ADAMTS16: variants seen among roughly 807,000 people sequenced by gnomAD.
ADAMTS16 encodes A disintegrin and metalloproteinase with thrombospondin motifs 16.
In ADAMTS16, 94 loss-of-function variants were observed where a neutral mutation model predicts 145.8. The ratio of observed to expected loss-of-function variants is 0.64; its 90% CI spans 0.55 to 0.77. ADAMTS16 has a LOEUF of 0.77. Ranked by LOEUF, ADAMTS16 falls within the 30% of genes least tolerant of loss-of-function variation. ADAMTS16 has a pLI of 0.00. For missense variants in ADAMTS16, 1,585 were observed against 1,591.5 expected (o/e 1.00, Z 0.07); for synonymous variants, 659 against 604.3 (o/e 1.09, Z -1.33).
At chr5:5,202,549 TG>T (rs1225972445) in intron 9 of ADAMTS16, among the ~76,000 whole-genome samples, 2 of 152,172 alleles carry the variant, frequency 1.3e-5, no homozygotes, top group Non-Finnish European at 2.9e-5. Context: ...TTTTTCTCTC[TG>T]TGTGTGTGTA....
At chr5:5,285,431 G>A (rs554283825) in intron 18 of ADAMTS16, among the ~76,000 whole-genome samples, 32 of 152,300 alleles carry the variant, frequency 2.1e-4, no homozygotes, top group Middle Eastern at 6.8e-3. Context: ...TTCCAAACTC[G>A]GGTGCAGCCC....
At chr5:5,195,382 A>G (rs1579302663) in intron 8 of ADAMTS16, among the ~76,000 whole-genome samples, 3 of 152,178 alleles carry the variant, frequency 2.0e-5, no homozygotes, top group African/African-American at 7.2e-5. Context: ...CATCTGAAAA[A>G]TTCCCATTTG....
intron 3 of ADAMTS16, among the ~76,000 whole-genome samples, chr5:5,153,297 T>G (rs892337348): frequency 1.3e-5 from 2 of 152,224 alleles, no homozygotes; most frequent in Non-Finnish European, 2.9e-5. Flanking sequence ...ATTCCATAAT[T>G]ATTTATTTAC....
intron 3 of ADAMTS16, among the ~76,000 whole-genome samples, chr5:5,181,194 A>G (rs1418007116): frequency 6.6e-6 from 1 of 152,226 alleles, no homozygotes; most frequent in African/African-American, 2.4e-5. Flanking sequence ...CTGGAGTTGA[A>G]TTGTGCACGT....
intron 20 of ADAMTS16, among the ~76,000 whole-genome samples, chr5:5,304,628 G>T (rs1739951526): frequency 6.6e-6 from 1 of 152,072 alleles, no homozygotes. Context: ...TCGAACGATG[G>T]CTTCTTTGTT....
chr5:5,306,897 G>C (rs552795223), intron 21 of ADAMTS16, among the ~76,000 whole-genome samples, 169 bp downstream of exon 21: 1 of 152,158 alleles, frequency 6.6e-6, no homozygotes, highest in Admixed American at 6.5e-5. Flanking sequence ...CCTGGGTGTG[G>C]GTGTGGCTTT....
intron 18 of ADAMTS16, among the ~76,000 whole-genome samples, chr5:5,270,265 C>A (rs1738412444): frequency 6.6e-6 from 1 of 152,222 alleles, no homozygotes; most frequent in African/African-American, 2.4e-5. Context: ...CCACAACTCT[C>A]CTGCACTGGA....
At chr5:5,160,483 C>G (rs548038634) in intron 3 of ADAMTS16, among the ~76,000 whole-genome samples, 157 of 152,214 alleles carry the variant, frequency 1.0e-3, no homozygotes, top group African/African-American at 3.7e-3. Flanking sequence ...GCAATACCTC[C>G]TCTACTAGAT....
intron 18 of ADAMTS16, among the ~76,000 whole-genome samples, chr5:5,288,744 C>T (rs1560989274): frequency 1.3e-5 from 2 of 152,188 alleles, no homozygotes; most frequent in African/African-American, 4.8e-5. Context: ...TACAAACTCA[C>T]GTCAGATTTT....
At chr5:5,238,095 G>C (rs1163367466) in intron 14 of ADAMTS16, among the ~76,000 whole-genome samples, 1 of 152,150 alleles carries the variant, frequency 6.6e-6, no homozygotes, top group Admixed American at 6.5e-5. Context: ...ATGAGGGTTA[G>C]GCTGGATGAT....
intron 17 of ADAMTS16, among the ~76,000 whole-genome samples, chr5:5,259,045 C>T (rs1317565639): frequency 6.6e-6 from 1 of 152,140 alleles, no homozygotes; most frequent in African/African-American, 2.4e-5. Flanking sequence ...TTGCCCACCC[C>T]TCGGTACCCG....
intron 18 of ADAMTS16, among the ~76,000 whole-genome samples, chr5:5,268,754 C>A (rs941535139): frequency 2.0e-5 from 3 of 152,198 alleles, no homozygotes; most frequent in Non-Finnish European, 4.4e-5. Context: ...ATGCTAAGCC[C>A]TCAAGAGGCA....
intron 18 of ADAMTS16, among the ~76,000 whole-genome samples, chr5:5,280,662 T>G (rs1431670710): frequency 2.6e-5 from 4 of 152,208 alleles, no homozygotes; most frequent in African/African-American, 7.2e-5. Flanking sequence ...ATGCTAAACC[T>G]ATCTGTTGAG....
chr5:5,222,901 A>G lies in ADAMTS16; in HGVS notation c.1701+17A>G, dbSNP rs771860480. 4 of 1,610,742 alleles carry G rather than the reference A, an allele frequency of 2.5e-6. No homozygotes were observed. Among genetic ancestry groups the G allele is most frequent in the Non-Finnish European group, 3.4e-6 (4 of 1,176,930 alleles). The stretch of plus-strand genomic sequence containing the variant: ...CATGACATGGTAAGAAGCTAACTGT[A>G]GGTACAGCATCGTATTCAGATGCTA... On this transcript the variant is annotated intron_variant, in intron 11 of 22. Transcript: ENST00000274181.
At chr5:5,209,038 G>C (rs1339524753) in intron 9 of ADAMTS16, 55 bp from the exon 10 acceptor site, 1 of 1,553,714 alleles carries the variant, frequency 6.4e-7, no homozygotes, top group Non-Finnish European at 8.7e-7. Flanking sequence ...TTAGTTGTAA[G>C]TCCTTTGGTT....
chr5:5,190,252 G>T, intron 7 of ADAMTS16, 122 bp downstream of exon 7: 3 of 1,048,276 alleles, frequency 2.9e-6, no homozygotes, highest in Non-Finnish European at 4.0e-6. Context: ...CTTAGTGAAG[G>T]TGTAAAGACT....
At chr5:5,267,556 G>A (rs1215515172) in intron 18 of ADAMTS16, among the ~76,000 whole-genome samples, 1 of 152,138 alleles carries the variant, frequency 6.6e-6, no homozygotes, top group Non-Finnish European at 1.5e-5. Flanking sequence ...TTGATGGCCT[G>A]CCGGCATCTG....
chr5:5,154,669 T>G (rs905947988), intron 3 of ADAMTS16, among the ~76,000 whole-genome samples: 1 of 152,074 alleles, frequency 6.6e-6, no homozygotes, highest in Non-Finnish European at 1.5e-5. Flanking sequence ...TTCAGACAGG[T>G]CTAGGGTGCG....
chr5:5,254,502 T>C lies in ADAMTS16; in HGVS notation c.2663-8155T>C, dbSNP rs1413594550. 2.6e-5 allele frequency among the ~76,000 whole-genome samples: 4 copies of C among 152,316 alleles called. No individual in the cohort carries two copies. In the East Asian group the frequency reaches 5.8e-4, roughly 22 times the overall value. ...AAGTACCTATATTTATATATGTAGA[T>C]ACAGATATACACACATAAACACACA... is the stretch of plus-strand genomic sequence containing the variant. On this transcript the variant is annotated intron_variant, in intron 17 of 22. Coordinates refer to ENST00000274181, the MANE Select transcript of ADAMTS16 (RefSeq NM_139056.4).
Sources: allele counts gnomAD v4.1 joint callset (sites outside exome capture counted in the v4.1 genomes callset), GRCh38; gene constraint gnomAD v4.1.1; transcripts MANE v1.5; gene names NCBI Gene and HGNC (gene_info 2026-07-23, HGNC 2026-07-21).